The following SLC36A3 variants were observed in gnomAD, a reference collection of about 807,000 sequenced individuals.
SLC36A3 encodes the protein solute carrier family 36 member 3, also known as proton-coupled amino acid transporter 3.
SLC36A3 carries 35 observed loss-of-function variants against 44.3 expected under a neutral mutation model. The ratio of observed to expected loss-of-function variants is 0.79; its 90% CI spans 0.60 to 1.05. The LOEUF is 1.05. SLC36A3 is among the 50% of genes least tolerant of loss of function. The pLI, the probability that SLC36A3 is intolerant of heterozygous loss-of-function variation, is 0.00. For synonymous variants in SLC36A3, 211 were observed against 227.6 expected, an observed-to-expected ratio of 0.93 and a Z score of 0.66; for missense variants, 540 against 578.7, an observed-to-expected ratio of 0.93 and a Z score of 0.69.
At chr5:151,296,807 T>C (rs1754976432) in intron 2 of SLC36A3, 1 of 155,196 alleles carries the variant, frequency 6.4e-6, no homozygotes, top group South Asian at 2.0e-4. Context: ...CCCCAGATTG[T>C]GGCAACCAAA....
chr5:151,298,623 A>G lies in SLC36A3; in HGVS notation c.189T>C (p.Leu63=), dbSNP rs1238413311. ...AGCCGGCATTCTTTATGGCCAGGGG[A>G]AGCCCCAGGAGCCCTGTGCCAATGT... ...KCNIGTGLLG[L]PLAIKNAGLL... is the part of the protein sequence containing the mutation. The change falls in exon 2 of 10, where the codon CTT becomes CTC. Residue 63 remains leucine, a synonymous_variant. Coordinates refer to ENST00000335230, the MANE Select transcript of SLC36A3 (RefSeq NM_181774.4). 1 of 1,614,162 alleles carries G rather than the reference A, an allele frequency of 6.2e-7. No individual in the cohort carries two copies. The highest frequency in any genetic ancestry group is 8.5e-7 in the Non-Finnish European group (1 of 1,180,016).
In SLC36A3 at chr5:151,296,164, GA is replaced by G. The variant is rs771450770; in HGVS notation, c.308+15del. ...GGGGCCCCAGTGCTGGAATGAGAGA[GA>G]AGCAGGCCTCTGACCTCTGGCTGAG... On this transcript the variant is annotated intron_variant, in intron 3 of 9. Transcript: ENST00000335230. The G allele has an allele frequency of 6.2e-7, 1 of 1,613,768 alleles. No individual in the cohort carries two copies. The highest frequency in any genetic ancestry group is 1.1e-5 in the South Asian group (1 of 91,050).
rs770818943 is a variant in SLC36A3 at position 151,277,386 on chromosome 5, C to T, written c.*7G>A. The T allele has an allele frequency of 6.2e-7, 1 of 1,613,368 alleles. No homozygotes were observed. Among genetic ancestry groups the T allele is most frequent in the South Asian group, 1.1e-5 (1 of 91,066 alleles). The stretch of plus-strand genomic sequence containing the variant: ...GAAGGGAGAGCTATTAGAATAAAAA[C>T]AGATAATTATGCATGGACACCTGTG... On this transcript the variant is annotated 3_prime_UTR_variant, in exon 10 of 10. Transcript: ENST00000335230.
At chr5:151,286,936 CA>C (rs1328305274) in intron 6 of SLC36A3, among the ~76,000 whole-genome samples, 1 of 152,068 alleles carries the variant, frequency 6.6e-6, no homozygotes, top group African/African-American at 2.4e-5. Flanking sequence ...TTTTGCTGAC[CA>C]CTGAGTCCCT....
At chr5:151,283,708 C>T (rs1267043872) in intron 8 of SLC36A3, among the ~76,000 whole-genome samples, 1 of 152,226 alleles carries the variant, frequency 6.6e-6, no homozygotes, top group Non-Finnish European at 1.5e-5. Flanking sequence ...AGCTAACGCT[C>T]ATGAATGCTT....
chr5:151,281,985 G>A (rs1754333641), intron 8 of SLC36A3, among the ~76,000 whole-genome samples: 1 of 151,780 alleles, frequency 6.6e-6, no homozygotes, highest in Non-Finnish European at 1.5e-5. Flanking sequence ...AATGATTGGT[G>A]TTTGTACATG....
chr5:151,293,770 G>A (rs369206672), intron 3 of SLC36A3, among the ~76,000 whole-genome samples: 10 of 152,314 alleles, frequency 6.6e-5, no homozygotes, highest in African/African-American at 2.2e-4. Flanking sequence ...GAGGAGGAGG[G>A]AGGGGAAGAG....
At chr5:151,291,885 G>T (rs1372694378) in intron 4 of SLC36A3, among the ~76,000 whole-genome samples, 1 of 152,000 alleles carries the variant, frequency 6.6e-6, no homozygotes, top group Non-Finnish European at 1.5e-5. Context: ...TTTTGAGATG[G>T]AGTCTCACTC....
chr5:151,288,440 G>A lies in SLC36A3; in HGVS notation c.435C>T (p.Thr145=). 6.3e-7 allele frequency: 1 copy of A among 1,597,944 alleles called. No individual in the cohort carries two copies. The highest frequency in any genetic ancestry group is 8.5e-7 in the Non-Finnish European group (1 of 1,171,892). The change falls in exon 5 of 10, where the codon ACC becomes ACT. Residue 145 remains threonine, a synonymous_variant. Transcript: ENST00000335230. ...AATAAACACTGCAGAAGCCCAGCTG[G>A]GTGATGACTAATAAGAAGCTGACAG... ...RYTVSFLLVI[T]QLGFCSVYFM...
chr5:151,296,902 G>A (rs1326577984), intron 2 of SLC36A3: 1 of 152,772 alleles, frequency 6.5e-6, no homozygotes, highest in Non-Finnish European at 1.5e-5. Flanking sequence ...CACTACTGTA[G>A]TGTGTCTAAT....
At chr5:151,293,235 G>A (rs763572709) in intron 4 of SLC36A3, 129 bp downstream of exon 4, 52 of 754,942 alleles carry the variant, frequency 6.9e-5, no homozygotes, top group Non-Finnish European at 1.0e-4. Flanking sequence ...TGGGGTTATC[G>A]AGGTGATTCT....
intron 6 of SLC36A3, among the ~76,000 whole-genome samples, chr5:151,285,118 T>C (rs765853400): frequency 6.6e-6 from 1 of 152,234 alleles, no homozygotes; most frequent in Non-Finnish European, 1.5e-5. Context: ...AGGTACCTCA[T>C]GTAAGTGGAA....
chr5:151,280,911 G>T (rs1754283733), intron 9 of SLC36A3, 103 bp downstream of exon 9: 13 of 1,421,578 alleles, frequency 9.1e-6, no homozygotes, highest in Middle Eastern at 1.9e-4. Context: ...TCCCACCCTA[G>T]GTCACAAAGA....
chr5:151,290,366 A>G (rs893248110), intron 4 of SLC36A3, among the ~76,000 whole-genome samples: 1 of 152,206 alleles, frequency 6.6e-6, no homozygotes, highest in Admixed American at 6.5e-5. Context: ...TCAGAATAAT[A>G]TCTTTTTCTG....
chr5:151,282,047 C>T (rs1329189362), intron 8 of SLC36A3, among the ~76,000 whole-genome samples: 2 of 150,702 alleles, frequency 1.3e-5, no homozygotes, highest in African/African-American at 4.9e-5. Context: ...CACATGCATA[C>T]ACATATGCAC....
At chr5:151,295,951 G>C (rs1052287087) in intron 3 of SLC36A3, among the ~76,000 whole-genome samples, 1 of 152,206 alleles carries the variant, frequency 6.6e-6, no homozygotes, top group Non-Finnish European at 1.5e-5. Context: ...GGGCTCAGGG[G>C]GATGCAGGAA....
Position 151,287,379 on chromosome 5 carries a change from T to G in SLC36A3, c.575A>C (p.Tyr192Ser). The G allele has an allele frequency of 6.2e-7, 1 of 1,614,106 alleles. No individual in the cohort carries two copies. Among genetic ancestry groups the G allele is most frequent in the Admixed American group, 1.7e-5 (1 of 60,018 alleles). ...TLTPILDIRF[Y>S]MLIILPFLIL... Reference sequence around the variant, plus strand: ...CAGGAAGGGCAGGATTATCAGCATGTAGAAACGAATGTCCAGGATGGGGGT... The same window carrying G: ...CAGGAAGGGCAGGATTATCAGCATGGAGAAACGAATGTCCAGGATGGGGGT... The change falls in exon 6 of 10, where the codon TAC becomes TCC. Residue 192 changes from tyrosine (Y) to serine (S), a missense_variant. Coordinates refer to ENST00000335230, the MANE Select transcript of SLC36A3 (RefSeq NM_181774.4).
chr5:151,296,568 T>A, intron 2 of SLC36A3: 1 of 415,632 alleles, frequency 2.4e-6, no homozygotes, highest in Non-Finnish European at 4.4e-6. Context: ...GAGTCCCTTG[T>A]GGTAAATTTA....
chr5:151,287,156 A>G, intron 6 of SLC36A3, 90 bp downstream of exon 6: 1 of 1,313,194 alleles, frequency 7.6e-7, no homozygotes, highest in Non-Finnish European at 1.1e-6. Flanking sequence ...CACCTTCCTC[A>G]GCTTCACCTG....
Sources: gnomAD v4.1 joint callset for allele counts (sites outside exome capture counted in the v4.1 genomes callset) on GRCh38, gnomAD v4.1.1 for gene constraint, MANE v1.5 for transcripts, NCBI Gene and HGNC (gene_info 2026-07-23, HGNC 2026-07-21) for gene names.